SND1: variants seen among roughly 807,000 people sequenced by gnomAD.
SND1 encodes the protein staphylococcal nuclease domain-containing protein 1.
Under a neutral mutation model 121.7 loss-of-function variants are expected in SND1, and 38 were observed. The ratio of observed to expected loss-of-function variants is 0.31; its 90% confidence interval spans 0.24 to 0.41. The LOEUF (loss-of-function observed/expected upper bound fraction) is 0.41. Among genes scored for constraint, SND1 ranks in the 10% least tolerant of loss-of-function variants. The pLI, the probability that SND1 is intolerant of heterozygous loss-of-function variation, is 1.00. For synonymous variants in SND1, 401 were observed against 447.4 expected, an observed-to-expected ratio of 0.90 and a Z score of 1.31; for missense variants, 868 against 1,184.6, an observed-to-expected ratio of 0.73 and a Z score of 3.92.
At chr7:127,687,885 G>T (rs1312228286) in intron 2 of SND1, among the ~76,000 whole-genome samples, 1 of 151,856 alleles carries the variant, frequency 6.6e-6, no homozygotes, top group African/African-American at 2.4e-5. Flanking sequence ...TAGAAAGGAG[G>T]TCTCGCTAGT....
intron 10 of SND1, among the ~76,000 whole-genome samples, chr7:127,766,452 C>T (rs894733427): frequency 6.6e-6 from 1 of 152,132 alleles, no homozygotes; most frequent in Non-Finnish European, 1.5e-5. Context: ...TTTGTGTGGA[C>T]CCTTGTACTG....
intron 16 of SND1, among the ~76,000 whole-genome samples, chr7:128,044,164 G>A (rs1363602029): frequency 1.3e-5 from 2 of 152,198 alleles, no homozygotes; most frequent in Non-Finnish European, 2.9e-5. Context: ...TTGGCTGAAC[G>A]AGAGTTTTCT....
chr7:127,807,390 T>C, intron 10 of SND1, 94 bp from the exon 11 acceptor site: 1 of 942,108 alleles, frequency 1.1e-6, no homozygotes, highest in African/African-American at 1.7e-5. Context: ...TACTAAGAGA[T>C]AACCAATTTC....
At chr7:128,062,062 A>G (rs1409005024) in intron 16 of SND1, among the ~76,000 whole-genome samples, 1 of 152,232 alleles carries the variant, frequency 6.6e-6, no homozygotes, top group Non-Finnish European at 1.5e-5. Flanking sequence ...TCTTCTCTCT[A>G]CTGTGCCTAA....
intron 10 of SND1, among the ~76,000 whole-genome samples, chr7:127,744,932 T>G (rs1422133925): frequency 6.6e-6 from 1 of 152,256 alleles, no homozygotes; most frequent in Non-Finnish European, 1.5e-5. Flanking sequence ...AACTTGCATC[T>G]TGCAAATTAC....
At chr7:127,916,324 G>T (rs1039990736) in intron 14 of SND1, among the ~76,000 whole-genome samples, 2 of 152,178 alleles carry the variant, frequency 1.3e-5, no homozygotes, top group African/African-American at 4.8e-5. Flanking sequence ...CAAGTGTCAT[G>T]CATGAGCTTT....
At chr7:127,901,811 A>C (rs908200400) in intron 13 of SND1, among the ~76,000 whole-genome samples, 1 of 152,238 alleles carries the variant, frequency 6.6e-6, no homozygotes, top group African/African-American at 2.4e-5. Context: ...TTTAAGTGTG[A>C]AAAAATTGTC....
intron 14 of SND1, among the ~76,000 whole-genome samples, chr7:127,927,475 T>A (rs1800864665): frequency 6.6e-6 from 1 of 152,336 alleles, no homozygotes; most frequent in South Asian, 2.1e-4. Flanking sequence ...GCATTTATCT[T>A]GTTTGACTGT....
chr7:127,653,575 G>A (rs1375586267), intron 1 of SND1, among the ~76,000 whole-genome samples: 1 of 152,178 alleles, frequency 6.6e-6, no homozygotes, highest in Non-Finnish European at 1.5e-5. Flanking sequence ...TTAGGAGGCC[G>A]AGGTGGGAGG....
chr7:127,786,133 TC>T (rs1279638748), intron 10 of SND1, among the ~76,000 whole-genome samples: 2 of 152,132 alleles, frequency 1.3e-5, no homozygotes, highest in Non-Finnish European at 1.5e-5. Context: ...GCCTGCTTCT[TC>T]AATTATCCTT....
At chr7:127,806,525 A>G (rs1275533946) in intron 10 of SND1, among the ~76,000 whole-genome samples, 2 of 152,016 alleles carry the variant, frequency 1.3e-5, no homozygotes, top group African/African-American at 4.8e-5. Flanking sequence ...TTTTCCTCCT[A>G]TTTCTTTACT....
intron 1 of SND1, among the ~76,000 whole-genome samples, chr7:127,659,858 T>C (rs1352702911): frequency 6.6e-6 from 1 of 152,178 alleles, no homozygotes; most frequent in Admixed American, 6.5e-5. Context: ...TCTCTAAGCA[T>C]TTTCCAGTCC....
intron 15 of SND1, among the ~76,000 whole-genome samples, chr7:127,987,724 T>C (rs1392022095): frequency 1.4e-5 from 2 of 148,046 alleles, no homozygotes; most frequent in African/African-American, 5.3e-5. Context: ...TTTGTCCCAC[T>C]AGAGGTTTTA....
At chr7:127,765,778 T>A (rs1329013275) in intron 10 of SND1, among the ~76,000 whole-genome samples, 1 of 152,206 alleles carries the variant, frequency 6.6e-6, no homozygotes, top group East Asian at 1.9e-4. Flanking sequence ...ATCAATTGAA[T>A]GGGCTGAACT....
chr7:127,835,779 C>T (rs1340492948), intron 11 of SND1, among the ~76,000 whole-genome samples: 2 of 152,006 alleles, frequency 1.3e-5, no homozygotes, highest in Non-Finnish European at 2.9e-5. Flanking sequence ...ATAGTGATCT[C>T]TGTGTCTTTC....
intron 17 of SND1, 104 bp downstream of exon 17, chr7:128,074,794 A>C (rs991526150): frequency 8.6e-7 from 1 of 1,158,914 alleles, no homozygotes; most frequent in Non-Finnish European, 1.2e-6. Context: ...ATCCCCACAG[A>C]GTAGCCCAGG....
In SND1 at chr7:128,052,824, G is replaced by A. The variant is rs1793069732; in HGVS notation, c.1780-21678G>A. ...CAGTGTTACTTCGATGGGTCCCTTG[G>A]GGCAGAAAAATTATAGTTAAGAAAA... is the stretch of plus-strand genomic sequence containing the variant. On this transcript the variant is annotated intron_variant, in intron 16 of 23. Coordinates refer to ENST00000354725, the MANE Select transcript of SND1 (RefSeq NM_014390.4). This position sits in a 1 kb window ranked among gnomAD's most constrained non-coding sequence, Gnocchi z 4.6. Among the ~76,000 whole-genome samples the A allele has an allele frequency of 6.6e-6, 1 of 152,132 alleles. No homozygotes were observed. The highest frequency in any genetic ancestry group is 2.1e-4 in the South Asian group (1 of 4,830).
At chr7:128,090,581 A>G (rs1272612765) in intron 22 of SND1, among the ~76,000 whole-genome samples, 5 of 152,188 alleles carry the variant, frequency 3.3e-5, no homozygotes, top group Non-Finnish European at 4.4e-5. Context: ...GCTTCTCCCT[A>G]TGTTCCTTCA....
chr7:127,826,010 C>T (rs1225649871), intron 11 of SND1, among the ~76,000 whole-genome samples: 2 of 151,940 alleles, frequency 1.3e-5, no homozygotes, highest in Non-Finnish European at 2.9e-5. Flanking sequence ...GCCAACATGG[C>T]GAAACCCCCA....
Sources: gnomAD v4.1 joint callset for allele counts (sites outside exome capture counted in the v4.1 genomes callset) on GRCh38, gnomAD v4.1.1 for gene constraint, Gnocchi (gnomAD v3.1) non-coding constraint, MANE v1.5 for transcripts, NCBI Gene and HGNC (gene_info 2026-07-23, HGNC 2026-07-21) for gene names.